TMEM132B: variants seen among roughly 807,000 people sequenced by gnomAD.
TMEM132B encodes the protein transmembrane protein 132B.
A neutral mutation model predicts 90.8 loss-of-function variants in TMEM132B; 18 were observed. The ratio of observed to expected loss-of-function variants is 0.20; its 90% CI spans 0.14 to 0.29. The LOEUF (loss-of-function observed/expected upper bound fraction) is 0.29, where lower values mean the gene tolerates loss of function less well. Among genes scored for constraint, TMEM132B ranks in the 10% least tolerant of loss-of-function variants. The pLI is 1.00. For missense variants in TMEM132B, 1,096 were observed against 1,326.8 expected (o/e 0.83, Z 2.70); for synonymous variants, 504 against 523.3 (o/e 0.96, Z 0.50).
chr12:125,422,372 T>C (rs1267974372), intron 3 of TMEM132B, among the ~76,000 whole-genome samples: 1 of 152,240 alleles, frequency 6.6e-6, no homozygotes, highest in African/African-American at 2.4e-5. Flanking sequence ...GCGCCTGTGC[T>C]GTGAGCTGTG....
chr12:125,392,763 G>A (rs1879061194), intron 2 of TMEM132B, among the ~76,000 whole-genome samples: 1 of 152,246 alleles, frequency 6.6e-6, no homozygotes, highest in Admixed American at 6.5e-5. Flanking sequence ...ACACACTTGT[G>A]TGATTGTGGA....
At chr12:125,413,999 A>G (rs1879935272) in intron 2 of TMEM132B, among the ~76,000 whole-genome samples, 1 of 152,160 alleles carries the variant, frequency 6.6e-6, no homozygotes, top group East Asian at 1.9e-4. Flanking sequence ...CCTCACCAGC[A>G]CTTAGTATCT....
At chr12:125,423,207 T>C (rs1329853784) in intron 3 of TMEM132B, among the ~76,000 whole-genome samples, 1 of 152,182 alleles carries the variant, frequency 6.6e-6, no homozygotes, top group Non-Finnish European at 1.5e-5. Context: ...GATAAAGATA[T>C]TTAGTTTTAA....
At chr12:125,231,374 T>G (rs75713335) in intron 1 of TMEM132B, among the ~76,000 whole-genome samples, 6,250 of 152,184 alleles carry the variant, frequency 0.041, 144 homozygotes, top group Non-Finnish European at 0.049. Flanking sequence ...AGTTTTGAGG[T>G]GAAGGGGCCA....
At position 125,245,977 on chromosome 12, in the gene TMEM132B, G is replaced by A. The variant is rs916572590; in HGVS notation, c.67+59111G>A. 1.9e-4 allele frequency among the ~76,000 whole-genome samples: 29 copies of A among 152,206 alleles called. 1 individual carries two copies. The highest frequency in any genetic ancestry group is 1.5e-5 in the Non-Finnish European group (1 of 68,034). On this transcript the variant is annotated intron_variant, in intron 1 of 8. Transcript: ENST00000682704. The stretch of plus-strand genomic sequence containing the variant: ...CCCGACATCTCTGCAGCCAGATGCA[G>A]GCTGGGCTAGTGATAATAACAAGGA...
chr12:125,288,204 C>T (rs116515405), intron 1 of TMEM132B, among the ~76,000 whole-genome samples: 5,848 of 151,632 alleles, frequency 0.039, 340 homozygotes, highest in African/African-American at 0.13. Flanking sequence ...GCCAGCTACA[C>T]CTGTAATCCC....
intron 3 of TMEM132B, among the ~76,000 whole-genome samples, chr12:125,428,693 A>G (rs1028606607): frequency 4.6e-5 from 7 of 152,206 alleles, no homozygotes; most frequent in African/African-American, 1.7e-4. Flanking sequence ...TTAAATCTAG[A>G]TAAAAGCTAG....
At chr12:125,259,697 T>C (rs1169754395) in intron 1 of TMEM132B, among the ~76,000 whole-genome samples, 3 of 152,146 alleles carry the variant, frequency 2.0e-5, no homozygotes, top group Admixed American at 6.5e-5. Context: ...TAAAGATAAA[T>C]GTGTCTGGAT....
intron 2 of TMEM132B, among the ~76,000 whole-genome samples, chr12:125,397,132 C>T (rs1383117308): frequency 3.9e-5 from 6 of 152,010 alleles, no homozygotes; most frequent in East Asian, 3.9e-4. Flanking sequence ...CCACCAGGCC[C>T]GGCTAATTTT....
At chr12:125,194,155 G>A (rs1006116381) in intron 1 of TMEM132B, among the ~76,000 whole-genome samples, 2 of 152,090 alleles carry the variant, frequency 1.3e-5, no homozygotes, top group East Asian at 1.9e-4. Flanking sequence ...CTTATGCTTC[G>A]GCCCTAAAAT....
chr12:125,194,276 G>T (rs1414152315), intron 1 of TMEM132B, among the ~76,000 whole-genome samples: 3 of 152,060 alleles, frequency 2.0e-5, no homozygotes, highest in East Asian at 1.9e-4. Flanking sequence ...GTTGGTGGGG[G>T]GGTCTTACTC....
In TMEM132B at chr12:125,415,789, G is replaced by A; in HGVS notation, c.1106+112G>A. On this transcript the variant is annotated intron_variant, in intron 3 of 8. Transcript: ENST00000682704. This position sits in a 1 kb window ranked among gnomAD's most constrained non-coding sequence, Gnocchi z 5.3. ...ATAAAGCGATGCCTCTGCGTTTAAT[G>A]AGAAATGATTTTTGAGGTCGGCAGT... 1.5e-6 allele frequency: 2 copies of A among 1,342,640 alleles called. No individual in the cohort carries two copies. The highest frequency in any genetic ancestry group is 2.0e-6 in the Non-Finnish European group (2 of 1,022,508). The allele number at this position is 1,342,640 out of a possible 1,614,324, so 83.2% of individuals were successfully genotyped here.
At chr12:125,298,051 G>A (rs183314646) in intron 1 of TMEM132B, among the ~76,000 whole-genome samples, 4 of 152,260 alleles carry the variant, frequency 2.6e-5, no homozygotes, top group East Asian at 1.9e-4. Flanking sequence ...CCAGGAGTTC[G>A]AGACCAGTCT....
intron 1 of TMEM132B, among the ~76,000 whole-genome samples, chr12:125,315,343 C>T (rs963538751): frequency 6.6e-6 from 1 of 152,254 alleles, no homozygotes; most frequent in East Asian, 1.9e-4. Flanking sequence ...GGATTACAGG[C>T]GCCCACCACC....
chr12:125,289,955 C>T (rs773209860), intron 1 of TMEM132B, among the ~76,000 whole-genome samples: 58 of 152,194 alleles, frequency 3.8e-4, no homozygotes, highest in Middle Eastern at 3.2e-3. Context: ...CATATCTGGG[C>T]GCTCTTCAAT....
chr12:125,515,677 TCA>T (rs944300649), intron 3 of TMEM132B, among the ~76,000 whole-genome samples: 39 of 150,568 alleles, frequency 2.6e-4, no homozygotes, highest in African/African-American at 8.3e-4. Flanking sequence ...TTTCTCACAC[TCA>T]CACACATTCC....
chr12:125,508,903 T>C (rs11058213), intron 3 of TMEM132B, among the ~76,000 whole-genome samples: 68,726 of 151,082 alleles, frequency 0.45, 16,216 homozygotes, highest in Middle Eastern at 0.66. Flanking sequence ...CCTGCCTCAG[T>C]CTCCGGAGTA....
intron 1 of TMEM132B, among the ~76,000 whole-genome samples, chr12:125,187,242 G>GCGTCGA (rs1007129932): frequency 2.6e-5 from 4 of 152,178 alleles, no homozygotes; most frequent in African/African-American, 9.6e-5. Flanking sequence ...CTGGGCGGGG[G>GCGTCGA]CGTCGACGCA....
intron 1 of TMEM132B, among the ~76,000 whole-genome samples, chr12:125,319,591 A>G (rs1876373794): frequency 2.0e-5 from 3 of 152,200 alleles, no homozygotes; most frequent in Admixed American, 2.0e-4. Flanking sequence ...TGAGATGGGC[A>G]CTGACTCTCT....
Sources: gnomAD v4.1 joint callset for allele counts (sites outside exome capture counted in the v4.1 genomes callset) on GRCh38, gnomAD v4.1.1 for gene constraint, Gnocchi (gnomAD v3.1) non-coding constraint, MANE v1.5 for transcripts, NCBI Gene and HGNC (gene_info 2026-07-23, HGNC 2026-07-21) for gene names.